FUBP1: variants seen among roughly 807,000 people sequenced by gnomAD.
FUBP1 encodes the protein far upstream element-binding protein 1.
In FUBP1, 16 loss-of-function variants were observed where a neutral mutation model predicts 94.9. The ratio of observed to expected loss-of-function variants is 0.17; its 90% CI spans 0.11 to 0.26. The LOEUF (loss-of-function observed/expected upper bound fraction) is 0.26. Among genes scored for constraint, FUBP1 ranks in the 10% least tolerant of loss-of-function variants. The probability of loss-of-function intolerance (pLI) is 1.00; values close to 1 mark genes in which losing one functional copy is unlikely to be tolerated. For missense variants in FUBP1, 583 were observed against 808.6 expected, an observed-to-expected ratio of 0.72 and a Z score of 3.38; for synonymous variants, 279 against 254.9, an observed-to-expected ratio of 1.09 and a Z score of -0.90.
chr1:77,950,787 T>C (rs1248682593), intron 18 of FUBP1, among the ~76,000 whole-genome samples: 3 of 152,154 alleles, frequency 2.0e-5, no homozygotes, highest in African/African-American at 7.2e-5. Context: ...TGTAGGATGC[T>C]GCCAACAAGA....
intron 1 of FUBP1, among the ~76,000 whole-genome samples, chr1:77,970,843 G>A (rs1018877740): frequency 6.6e-6 from 1 of 152,012 alleles, no homozygotes; most frequent in Non-Finnish European, 1.5e-5. Context: ...TCAGGAGTTC[G>A]AGAGCAGCCT....
chr1:77,948,988 T>C (rs1652789283), intron 19 of FUBP1, 167 bp downstream of exon 19: 1 of 905,600 alleles, frequency 1.1e-6, no homozygotes, highest in Non-Finnish European at 1.7e-6. Context: ...TGGAAAGCAT[T>C]ATAAAAAACA....
chr1:77,978,981 A>T lies in FUBP1; in HGVS notation c.24T>A (p.Pro8=), dbSNP rs1452162282. ...CACCAGCTGAGCCAGAAGAGGGGGG[A>T]GGCACTGTTGAATAGTCTGCCATGG... The part of the protein sequence containing the change: MADYSTV[P]PPSSGSAGGG... The change falls in exon 1 of 20, where the codon CCT becomes CCA. Residue 8 remains proline, a synonymous_variant. Coordinates refer to ENST00000370768, the MANE Select transcript of FUBP1 (RefSeq NM_003902.5). The T allele has an allele frequency of 1.2e-6, 2 of 1,613,210 alleles. No individual in the cohort carries two copies. Among genetic ancestry groups the T allele is most frequent in the Admixed American group, 3.3e-5 (2 of 59,942 alleles).
At chr1:77,974,232 T>C (rs1047027116) in intron 1 of FUBP1, among the ~76,000 whole-genome samples, 3 of 149,752 alleles carry the variant, frequency 2.0e-5, no homozygotes, top group African/African-American at 7.4e-5. Flanking sequence ...ACCTCCCGGG[T>C]TCACGCCATT....
intron 2 of FUBP1, among the ~76,000 whole-genome samples, chr1:77,968,643 A>C (rs555790432): frequency 4.2e-4 from 54 of 129,984 alleles, no homozygotes; most frequent in African/African-American, 8.1e-4. Context: ...AGCTATGCCC[A>C]AAAAAAAAAA....
chr1:77,959,516 A>C (rs1219782765), intron 16 of FUBP1, among the ~76,000 whole-genome samples: 3 of 151,902 alleles, frequency 2.0e-5, no homozygotes, highest in Non-Finnish European at 4.4e-5. Context: ...TTGGACTGTT[A>C]TATATATATA....
intron 18 of FUBP1, among the ~76,000 whole-genome samples, chr1:77,951,324 A>G (rs1284477137): frequency 6.6e-6 from 1 of 150,480 alleles, no homozygotes; most frequent in African/African-American, 2.4e-5. Context: ...AGCTAATAGT[A>G]AACACTTTAG....
chr1:77,958,160 A>G (rs1420753996), intron 16 of FUBP1, among the ~76,000 whole-genome samples: 1 of 152,206 alleles, frequency 6.6e-6, no homozygotes. Flanking sequence ...AGAATTTGAG[A>G]TAAAACAGAC....
intron 1 of FUBP1, among the ~76,000 whole-genome samples, chr1:77,973,384 T>C (rs1438174215): frequency 6.6e-6 from 1 of 152,160 alleles, no homozygotes; most frequent in African/African-American, 2.4e-5. Flanking sequence ...TAGCTGGGAT[T>C]ACAGGCGCCC....
intron 2 of FUBP1, 137 bp from the exon 3 acceptor site, chr1:77,968,340 A>C: frequency 1.6e-6 from 1 of 609,360 alleles, no homozygotes. Flanking sequence ...AAAACTGCCA[A>C]AATTCAACCC....
chr1:77,978,910 T>C lies in FUBP1; in HGVS notation c.95A>G (p.Lys32Arg), dbSNP rs1033225821. The C allele has an allele frequency of 3.1e-6, 5 of 1,613,744 alleles. No individual in the cohort carries two copies. Among genetic ancestry groups the C allele is most frequent in the African/African-American group, 2.7e-5 (2 of 74,836 alleles). Residue 32 changes from lysine (K) to arginine (R), a missense_variant, in exon 1 of 20, where the codon AAA becomes AGA. By Grantham distance (26) the Lys-to-Arg change is conservative. Coordinates refer to ENST00000370768, the MANE Select transcript of FUBP1 (RefSeq NM_003902.5). ...GGGGGVNDAF[K>R]DALQRARQIA... Reference sequence around the variant, plus strand: ...CTGCCGGGCTCTCTGCAGTGCATCTTTGAAAGCGTCGTTAACTCCTCCACC... The same window carrying C: ...CTGCCGGGCTCTCTGCAGTGCATCTCTGAAAGCGTCGTTAACTCCTCCACC...
upstream of FUBP1, chr1:77,979,186 G>C (rs1659366752): frequency 3.3e-6 from 2 of 614,236 alleles, no homozygotes; most frequent in Admixed American, 3.0e-5. Flanking sequence ...CGCTGGTGTG[G>C]GTTAGGGCTG....
intron 1 of FUBP1, among the ~76,000 whole-genome samples, chr1:77,973,076 T>C (rs1468704325): frequency 6.6e-6 from 1 of 151,152 alleles, no homozygotes; most frequent in Non-Finnish European, 1.5e-5. Flanking sequence ...CTAAGATCTA[T>C]AGAAAATACA....
Position 77,944,073 on chromosome 1 carries a change from A to G in FUBP1, c.*4693T>C, listed in dbSNP as rs1225654889. 1 of 182,350 alleles carries G rather than the reference A, an allele frequency of 5.5e-6. No individual in the cohort carries two copies. 11.3% of individuals were successfully genotyped at this position (182,350 alleles called of 1,614,324 possible). On this transcript the variant is annotated 3_prime_UTR_variant, in exon 20 of 20. Transcript: ENST00000370768. ...TCCTTTATAATAGTCATCAATGTAC[A>G]TTTATTGAGGAAACCATAATGAATA...
intron 1 of FUBP1, 79 bp from the exon 2 acceptor site, chr1:77,970,094 T>C (rs2102457229): frequency 1.6e-6 from 1 of 617,708 alleles, no homozygotes; most frequent in Non-Finnish European, 2.7e-6. Context: ...TACTTCCTGA[T>C]ACATGTATAT....
In FUBP1 at chr1:77,955,322, C is replaced by T. The variant is rs2102298589; in HGVS notation, c.1713G>A (p.Gln571=). Residue 571 remains glutamine (Q), a synonymous_variant, in exon 18 of 20, where the codon CAG becomes CAA. Coordinates refer to ENST00000370768, the MANE Select transcript of FUBP1 (RefSeq NM_003902.5). ...CCTGTCCAGCTGGGGCTGGATTCTG[C>T]TGATCTCCTTGTTCAAGCAAAACAA... ...TTTQTNGQGD[Q]QNPAPAGQVD... 1 of 1,573,118 alleles carries T rather than the reference C, an allele frequency of 6.4e-7. No homozygotes were observed. The highest frequency in any genetic ancestry group is 8.7e-7 in the Non-Finnish European group (1 of 1,142,962).
intron 1 of FUBP1, 38 bp downstream of exon 1, chr1:77,978,847 G>C (rs1312264527): frequency 6.2e-7 from 1 of 1,612,784 alleles, no homozygotes; most frequent in Non-Finnish European, 8.5e-7. Context: ...GCCAATTACC[G>C]TGAGCTTTCG....
intron 17 of FUBP1, 49 bp from the exon 18 acceptor site, chr1:77,955,378 G>A: frequency 8.6e-7 from 1 of 1,162,822 alleles, no homozygotes; most frequent in African/African-American, 1.5e-5. Context: ...TTTTTAAAAG[G>A]CAATTTTGGC....
rs6679860 is a variant in FUBP1, at chr1:77,960,077, T to G, written c.1576+107A>C. ...GCCTAACACTGTTGAAAGAGTAAAG[T>G]GAGTGAAGGTGATGCATACAAATGT... On this transcript the variant is annotated intron_variant, in intron 16 of 19. Transcript: ENST00000370768. 3.9e-6 allele frequency: 3 copies of G among 770,318 alleles called. No homozygotes were observed. In the African/African-American group the frequency reaches 5.2e-5, roughly 13 times the overall value. 47.7% of individuals were successfully genotyped at this position (770,318 alleles called of 1,614,324 possible). A position where few individuals can be genotyped will look rare whatever the true frequency, so the allele number is the denominator to read the frequency against.
Sources: gnomAD v4.1 joint callset for allele counts (sites outside exome capture counted in the v4.1 genomes callset) on GRCh38, gnomAD v4.1.1 for gene constraint, MANE v1.5 for transcripts, NCBI Gene and HGNC (gene_info 2026-07-23, HGNC 2026-07-21) for gene names.